The following ZNF148 variants were observed in gnomAD, a reference collection of about 807,000 sequenced individuals.
ZNF148 encodes the protein Beta-Enolase Repressor Factor-1.
Under a neutral mutation model 67.7 loss-of-function variants are expected in ZNF148, and 7 were observed. That is an observed-to-expected ratio of 0.10 (90% CI 0.06 to 0.19). The LOEUF is 0.19. ZNF148 is among the 10% of genes least tolerant of loss of function. The pLI, the probability that ZNF148 is intolerant of heterozygous loss-of-function variation, is 1.00. For missense variants in ZNF148, 583 were observed against 947.1 expected (o/e 0.62, Z 5.05); for synonymous variants, 333 against 330.7 (o/e 1.01, Z -0.08).
At chr3:125,235,268 C>T (rs1342351896) in intron 7 of ZNF148, among the ~76,000 whole-genome samples, 1 of 152,158 alleles carries the variant, frequency 6.6e-6, no homozygotes, top group African/African-American at 2.4e-5. Context: ...AAGTTTATAA[C>T]ATAATTGGGA....
chr3:125,289,893 G>A (rs548645372), intron 4 of ZNF148, among the ~76,000 whole-genome samples: 2 of 152,018 alleles, frequency 1.3e-5, no homozygotes, highest in South Asian at 2.1e-4. Context: ...AGATTAACAC[G>A]TATATCTGAA....
At chr3:125,239,315 C>T (rs1936239078) in intron 7 of ZNF148, among the ~76,000 whole-genome samples, 1 of 152,108 alleles carries the variant, frequency 6.6e-6, no homozygotes, top group South Asian at 2.1e-4. Context: ...ATAAAGAGAA[C>T]TCTTACAACT....
chr3:125,333,409 A>C (rs1437630572), intron 1 of ZNF148, among the ~76,000 whole-genome samples: 1 of 152,132 alleles, frequency 6.6e-6, no homozygotes, highest in Non-Finnish European at 1.5e-5. Context: ...GTAAACCCAC[A>C]ATTTCCCCCA....
In ZNF148 at chr3:125,340,793, C is replaced by T. The variant is rs943817807; in HGVS notation, c.-233-9555G>A. 7.9e-5 allele frequency among the ~76,000 whole-genome samples: 12 copies of T among 151,466 alleles called. No individual in the cohort carries two copies. The South Asian group carries it at 1.3e-3, about 16-fold the overall frequency. ...CGAGGTCAGGAGATCGAGACCATCC[C>T]GGCTAAAACGGTGAAACCCCGTCTC... On this transcript the variant is annotated intron_variant, in intron 1 of 8. Transcript: ENST00000360647.
chr3:125,275,995 G>T (rs541171428), intron 7 of ZNF148, among the ~76,000 whole-genome samples: 152 of 152,250 alleles, frequency 1.0e-3, no homozygotes, highest in Admixed American at 1.8e-3. Flanking sequence ...ACACTTAACT[G>T]CACTGTGCTT....
chr3:125,263,981 T>A lies in ZNF148; in HGVS notation c.667+13745A>T, dbSNP rs1052063652. On this transcript the variant is annotated intron_variant, in intron 7 of 8. Transcript: ENST00000360647. ...ATCCATCATGCCTACATTACTAACC[T>A]CCATAAAAGCCCCTAAGTAATGAGG... Among the ~76,000 whole-genome samples, 6 of 152,252 alleles carry A rather than the reference T, an allele frequency of 3.9e-5. No individual in the cohort carries two copies. In the South Asian group the frequency reaches 1.2e-3, roughly 32 times the overall value.
intron 1 of ZNF148, among the ~76,000 whole-genome samples, chr3:125,373,601 T>A (rs760770416): frequency 6.6e-6 from 1 of 152,138 alleles, no homozygotes; most frequent in African/African-American, 2.4e-5. Flanking sequence ...CTAGACCTTC[T>A]GATAACTAGT....
chr3:125,348,250 C>A (rs988020903), intron 1 of ZNF148, among the ~76,000 whole-genome samples: 9 of 151,830 alleles, frequency 5.9e-5, no homozygotes, highest in African/African-American at 1.7e-4. Flanking sequence ...CAGAGCAAGA[C>A]CTTGTCTCCA....
At chr3:125,251,939 T>G (rs1936858106) in intron 7 of ZNF148, among the ~76,000 whole-genome samples, 1 of 152,230 alleles carries the variant, frequency 6.6e-6, no homozygotes, top group East Asian at 1.9e-4. Flanking sequence ...CACATCCTTG[T>G]GAGTACTTTG....
At chr3:125,343,791 C>T (rs1340313233) in intron 1 of ZNF148, among the ~76,000 whole-genome samples, 1 of 152,022 alleles carries the variant, frequency 6.6e-6, no homozygotes, top group Non-Finnish European at 1.5e-5. Context: ...GGGTCCGTGC[C>T]ATCTTTAAGA....
At chr3:125,329,393 G>A (rs1175884519) in intron 2 of ZNF148, among the ~76,000 whole-genome samples, 7 of 135,538 alleles carry the variant, frequency 5.2e-5, no homozygotes, top group South Asian at 2.3e-4. Context: ...ACAGAGTCTC[G>A]CTCTGTCGCC....
chr3:125,333,998 T>C (rs889538928), intron 1 of ZNF148, among the ~76,000 whole-genome samples: 9 of 152,202 alleles, frequency 5.9e-5, no homozygotes, highest in South Asian at 2.1e-4. Flanking sequence ...CAAATGTTAA[T>C]AGATACACAA....
At chr3:125,301,415 A>C (rs1184876666) in intron 4 of ZNF148, among the ~76,000 whole-genome samples, 1 of 152,240 alleles carries the variant, frequency 6.6e-6, no homozygotes, top group Non-Finnish European at 1.5e-5. Flanking sequence ...TGAGTGACTT[A>C]GAGAGCCAAA....
chr3:125,281,780 T>G (rs1047365654), intron 5 of ZNF148, among the ~76,000 whole-genome samples: 3 of 152,230 alleles, frequency 2.0e-5, no homozygotes, highest in Admixed American at 2.0e-4. Context: ...TAGCTTTTTT[T>G]AAGTTCAAAG....
In ZNF148 at chr3:125,228,111, C is replaced by A. The variant is rs1305270216; in HGVS notation, c.*4230G>T. On this transcript the variant is annotated 3_prime_UTR_variant, in exon 9 of 9. Coordinates refer to ENST00000360647, the MANE Select transcript of ZNF148 (RefSeq NM_021964.3). ...AATATGAAGAGAACTATCTATTTCACAATGGAGCTGAAGTCACCTCAAAAC... is the reference window on the plus strand; with the variant it reads ...AATATGAAGAGAACTATCTATTTCAAAATGGAGCTGAAGTCACCTCAAAAC... 1 of 152,564 alleles carries A rather than the reference C, an allele frequency of 6.6e-6. No individual in the cohort carries two copies. The highest frequency in any genetic ancestry group is 1.5e-5 in the Non-Finnish European group (1 of 68,010). The allele number at this position is 152,564 out of a possible 1,614,324, so 9.5% of individuals were successfully genotyped here.
intron 1 of ZNF148, among the ~76,000 whole-genome samples, chr3:125,334,162 G>T (rs772066108): frequency 6.6e-6 from 1 of 152,074 alleles, no homozygotes; most frequent in Non-Finnish European, 1.5e-5. Context: ...CCACCCTTCC[G>T]CTATTTAGTT....
chr3:125,302,976 A>C (rs898631475), intron 4 of ZNF148, among the ~76,000 whole-genome samples: 5 of 152,250 alleles, frequency 3.3e-5, no homozygotes, highest in South Asian at 4.1e-4. Context: ...TCCCTCAATA[A>C]GTGAATGGTA....
At chr3:125,297,774 T>C (rs1939361212) in intron 4 of ZNF148, among the ~76,000 whole-genome samples, 1 of 152,148 alleles carries the variant, frequency 6.6e-6, no homozygotes, top group South Asian at 2.1e-4. Flanking sequence ...TATAGAGCAA[T>C]TATTATAAAT....
At position 125,326,643 on chromosome 3, in the gene ZNF148, C is replaced by A. The variant is rs932423677; in HGVS notation, c.-152-3199G>T. Among the ~76,000 whole-genome samples, 23 of 147,512 alleles carry A rather than the reference C, an allele frequency of 1.6e-4. No homozygotes were observed. The East Asian group carries it at 4.5e-3, about 29-fold the overall frequency. ...TATAAAGGATCATATCATATATAAA[C>A]CATAGTGAAATGACACTATATATAT... On this transcript the variant is annotated intron_variant, in intron 2 of 8. Transcript: ENST00000360647.
Sources: gnomAD v4.1 joint callset for allele counts (sites outside exome capture counted in the v4.1 genomes callset) on GRCh38, gnomAD v4.1.1 for gene constraint, MANE v1.5 for transcripts, NCBI Gene and HGNC (gene_info 2026-07-23, HGNC 2026-07-21) for gene names.